Variants in SLC9A7 observed in about 807,000 individuals in gnomAD.
SLC9A7 encodes sodium/hydrogen exchanger 7.
A neutral mutation model predicts 52.6 loss-of-function variants in SLC9A7; 19 were observed. That is an observed-to-expected ratio of 0.36 (90% CI 0.25 to 0.53). The LOEUF (loss-of-function observed/expected upper bound fraction) is 0.53, where lower values mean the gene tolerates loss of function less well. Among genes scored for constraint, SLC9A7 ranks in the 20% least tolerant of loss-of-function variants. The pLI is 0.91. For missense variants in SLC9A7, 455 were observed against 597.9 expected, an observed-to-expected ratio of 0.76 and a Z score of 2.49; for synonymous variants, 226 against 252.1, an observed-to-expected ratio of 0.90 and a Z score of 0.98.
chrX:46,668,796 T>C lies in SLC9A7; in HGVS notation c.793+811A>G, dbSNP rs765910212. On this transcript the variant is annotated intron_variant, in intron 5 of 16. Transcript: ENST00000616978. ...TTTAATGGGTATAGCATTTCAATTT[T>C]GCAAGATGAAAAGGTTCTGGGGATT... 9.9e-5 allele frequency among the ~76,000 whole-genome samples: 11 copies of C among 111,550 alleles called. 1 individual carries two copies. The South Asian group carries it at 4.1e-3, about 42-fold the overall frequency.
rs181272537 is a variant in SLC9A7, at chrX:46,657,784, C to T, written c.1042-4070G>A. On this transcript the variant is annotated intron_variant, in intron 7 of 16. Coordinates refer to ENST00000616978, the MANE Select transcript of SLC9A7 (RefSeq NM_001257291.2). ...CACACATTAATAATGGGAGACTTAA[C>T]ACCCCATTGTCAACATTAGACAGAT... 1.6e-4 allele frequency among the ~76,000 whole-genome samples: 18 copies of T among 110,965 alleles called. 1 individual carries two copies. The East Asian group carries it at 3.7e-3, about 23-fold the overall frequency.
At chrX:46,736,536 A>G (rs979587794) in intron 1 of SLC9A7, among the ~76,000 whole-genome samples, 1 of 111,608 alleles carries the variant, frequency 9.0e-6, no homozygotes, top group African/African-American at 3.3e-5. Context: ...TGAGGTAAAT[A>G]TTTTTTATAC....
At chrX:46,635,395 T>C (rs1943302357) in intron 13 of SLC9A7, among the ~76,000 whole-genome samples, 194 bp downstream of exon 13, 2 of 111,913 alleles carry the variant, frequency 1.8e-5, no homozygotes, top group African/African-American at 6.5e-5. Flanking sequence ...CCAAGAACAC[T>C]GACACATCAA....
chrX:46,672,919 C>A (rs777434369), intron 3 of SLC9A7, among the ~76,000 whole-genome samples: 27 of 111,943 alleles, frequency 2.4e-4, no homozygotes, highest in African/African-American at 8.4e-4. Context: ...ATATGTTGTG[C>A]GTGTGTGTGT....
chrX:46,640,859 G>C (rs968081567), intron 12 of SLC9A7, among the ~76,000 whole-genome samples: 1 of 112,352 alleles, frequency 8.9e-6, no homozygotes, highest in African/African-American at 3.2e-5. Context: ...TATTGGAACA[G>C]CTGAAATGAA....
chrX:46,632,725 G>A (rs1451774932), intron 13 of SLC9A7, among the ~76,000 whole-genome samples: 2 of 111,199 alleles, frequency 1.8e-5, no homozygotes, highest in Non-Finnish European at 3.8e-5. Flanking sequence ...CCTGAACAAC[G>A]TCTGCCTTAC....
chrX:46,694,929 TAA>T (rs1944428763), intron 1 of SLC9A7, among the ~76,000 whole-genome samples: 1 of 112,176 alleles, frequency 8.9e-6, no homozygotes, highest in Middle Eastern at 4.2e-3. Context: ...TGGATGAACC[TAA>T]AAGATATTAC....
chrX:46,742,439 C>G (rs769692589), intron 1 of SLC9A7, among the ~76,000 whole-genome samples: 25 of 110,141 alleles, frequency 2.3e-4, no homozygotes, highest in Non-Finnish European at 3.8e-4. Flanking sequence ...AAAAAAAGAC[C>G]TAATTATAGA....
chrX:46,703,863 G>T (rs373527371), intron 1 of SLC9A7, among the ~76,000 whole-genome samples: 10 of 111,945 alleles, frequency 8.9e-5, no homozygotes, highest in Non-Finnish European at 1.7e-4. Flanking sequence ...TCATAATTCC[G>T]TGGAAGGGCA....
intron 7 of SLC9A7, among the ~76,000 whole-genome samples, chrX:46,654,647 C>T (rs1039056131): frequency 9.1e-6 from 1 of 110,325 alleles, no homozygotes; most frequent in African/African-American, 3.3e-5. Flanking sequence ...CCGAGGCCAC[C>T]TGAGTCCACA....
intron 1 of SLC9A7, among the ~76,000 whole-genome samples, chrX:46,721,744 C>T (rs776445567): frequency 2.6e-4 from 29 of 111,937 alleles, no homozygotes; most frequent in Non-Finnish European, 5.1e-4. Flanking sequence ...TCTGAGCAAT[C>T]TCGAGGAAGA....
intron 15 of SLC9A7, among the ~76,000 whole-genome samples, chrX:46,619,019 C>A (rs932709783): frequency 3.6e-5 from 4 of 110,753 alleles, no homozygotes; most frequent in African/African-American, 1.3e-4. Flanking sequence ...CAGCAAAAGA[C>A]TCATATCCAG....
chrX:46,750,758 T>C (rs1467544006), intron 1 of SLC9A7, among the ~76,000 whole-genome samples: 2 of 112,390 alleles, frequency 1.8e-5, no homozygotes, highest in Non-Finnish European at 3.8e-5. Flanking sequence ...ACTATTTTTT[T>C]CTACTATTAT....
chrX:46,641,826 T>C (rs1943410552), intron 12 of SLC9A7, among the ~76,000 whole-genome samples: 2 of 112,269 alleles, frequency 1.8e-5, no homozygotes, highest in Admixed American at 1.9e-4. Context: ...GGCAAATTAC[T>C]GCTTTGTGCC....
chrX:46,691,690 T>C (rs907831154), intron 1 of SLC9A7, among the ~76,000 whole-genome samples: 13 of 111,809 alleles, frequency 1.2e-4, no homozygotes, highest in African/African-American at 3.9e-4. Context: ...GGGATGGAGG[T>C]TAGGAAGACA....
rs2146661713 is a variant in SLC9A7 at position 46,606,829 on chromosome X, C to T, written c.*123G>A. The stretch of plus-strand genomic sequence containing the variant: ...TTTTAAGTGTTACAATAGCTTCAGA[C>T]CCCAATAAAATAGAAGAGTTAGTTC... On this transcript the variant is annotated 3_prime_UTR_variant, in exon 17 of 17. Transcript: ENST00000616978. 4 of 1,152,859 alleles carry T rather than the reference C, an allele frequency of 3.5e-6. No homozygotes were observed. The highest frequency in any genetic ancestry group is 3.0e-5 in the East Asian group (1 of 33,056).
chrX:46,638,055 G>A (rs1943349295), intron 12 of SLC9A7, among the ~76,000 whole-genome samples: 1 of 111,818 alleles, frequency 8.9e-6, no homozygotes, highest in Non-Finnish European at 1.9e-5. Flanking sequence ...TCAGTAGCCT[G>A]GAGAAGTAAA....
chrX:46,674,699 G>A (rs1944081675), intron 3 of SLC9A7, among the ~76,000 whole-genome samples: 2 of 111,801 alleles, frequency 1.8e-5, no homozygotes, highest in African/African-American at 6.5e-5. Flanking sequence ...GACAGGAGGT[G>A]TCCGGTAAAA....
chrX:46,725,486 C>G (rs1403081681), intron 1 of SLC9A7: 2 of 1,021,974 alleles, frequency 2.0e-6, no homozygotes, highest in Non-Finnish European at 2.8e-6. Context: ...CCTTTACTCC[C>G]AGTTTCATAG....
Sources: gnomAD v4.1 joint callset for allele counts (sites outside exome capture counted in the v4.1 genomes callset) on GRCh38, gnomAD v4.1.1 for gene constraint, MANE v1.5 for transcripts, NCBI Gene and HGNC (gene_info 2026-07-23, HGNC 2026-07-21) for gene names.